The following ECT2 variants were observed in gnomAD, a reference collection of about 807,000 sequenced individuals.
The protein encoded by ECT2 is protein ECT2.
Under a neutral mutation model 116.9 loss-of-function variants are expected in ECT2, and 61 were observed. That is an observed-to-expected ratio of 0.52 (90% confidence interval 0.42 to 0.65). The LOEUF (loss-of-function observed/expected upper bound fraction) is 0.65, where lower values mean the gene tolerates loss of function less well. Ranked by LOEUF, ECT2 falls within the 30% of genes least tolerant of loss-of-function variation. The pLI, the probability that ECT2 is intolerant of heterozygous loss-of-function variation, is 0.00. For synonymous variants in ECT2, 358 were observed against 346.4 expected (o/e 1.03, Z -0.37); for missense variants, 937 against 1,078.7 (o/e 0.87, Z 1.84).
At chr3:172,769,843 G>C (rs912353465) in intron 13 of ECT2, among the ~76,000 whole-genome samples, 2 of 152,114 alleles carry the variant, frequency 1.3e-5, no homozygotes, top group Non-Finnish European at 2.9e-5. Context: ...TAATAAAAGA[G>C]ATAGGTTGAC....
chr3:172,752,527 T>C (rs1716098692), intron 1 of ECT2: 1 of 152,082 alleles, frequency 6.6e-6, no homozygotes, highest in Non-Finnish European at 1.5e-5. Flanking sequence ...AAGGGGACTT[T>C]GAATGAAAGC....
rs1730589654 is a variant in ECT2 at position 172,820,811 on chromosome 3, A to G, written c.*574A>G. ...AGATCTAGCATGTGGATTTTAAAAG[A>G]TTTGCCCTCATTAACAAGAATAACA... On this transcript the variant is annotated 3_prime_UTR_variant, in exon 25 of 25. Transcript: ENST00000392692. The G allele has an allele frequency of 1.3e-5, 2 of 151,964 alleles. No homozygotes were observed. Among genetic ancestry groups the G allele is most frequent in the African/African-American group, 4.8e-5 (2 of 41,436 alleles). The allele number at this position is 151,964 out of a possible 1,614,324, so 9.4% of individuals were successfully genotyped here.
Position 172,782,221 on chromosome 3 carries a change from T to C in ECT2, c.1607T>C (p.Phe536Ser). The change falls in exon 15 of 25, where the codon TTT becomes TCT. Residue 536 changes from phenylalanine (F) to serine (S), a missense_variant. By Grantham distance (155) the Phe-to-Ser change is radical. Transcript: ENST00000392692. ...GAGAGCAAAAGCATTGGTGACATTT[T>C]TCTGAAATATGTAAGTATTGTATTT... The part of the protein sequence containing the change: ...WDESKSIGDI[F>S]LKYSKDLVKT... The C allele has an allele frequency of 6.4e-7, 1 of 1,557,472 alleles. No individual in the cohort carries two copies. The highest frequency in any genetic ancestry group is 8.8e-7 in the Non-Finnish European group (1 of 1,140,520).
At chr3:172,760,404 T>A (rs937521205) in intron 7 of ECT2, 141 bp downstream of exon 7, 10 of 495,004 alleles carry the variant, frequency 2.0e-5, no homozygotes, top group African/African-American at 1.8e-4. Context: ...TAGTAAAAAA[T>A]TTTAAATCAT....
chr3:172,793,432 C>T (rs577150462), intron 18 of ECT2, among the ~76,000 whole-genome samples: 17 of 151,948 alleles, frequency 1.1e-4, no homozygotes, highest in African/African-American at 3.6e-4. Context: ...GGATTACAGG[C>T]GTGAGCCCCC....
At chr3:172,775,759 G>C (rs1247805702) in intron 14 of ECT2, among the ~76,000 whole-genome samples, 1 of 151,500 alleles carries the variant, frequency 6.6e-6, no homozygotes, top group African/African-American at 2.4e-5. Flanking sequence ...TCAGCCTCCT[G>C]AGTAGCTGGG....
chr3:172,768,432 T>A (rs1468085833), intron 12 of ECT2, among the ~76,000 whole-genome samples: 1 of 152,212 alleles, frequency 6.6e-6, no homozygotes, highest in African/African-American at 2.4e-5. Context: ...ATTTTTAATA[T>A]CTATACTGTT....
Position 172,776,209 on chromosome 3 carries a change from T to C in ECT2, c.1548+2187T>C, listed in dbSNP as rs571273406. On this transcript the variant is annotated intron_variant, in intron 14 of 24. Transcript: ENST00000392692. ...TTTTTCAGTTTTTTCTTTTTTTTTT[T>C]TTTTTTTTTTTTGTCATCTAGGCTG... Among the ~76,000 whole-genome samples, 369 of 148,082 alleles carry C rather than the reference T, an allele frequency of 2.5e-3. 2 individuals carry two copies. Among genetic ancestry groups the C allele is most frequent in the African/African-American group, 8.7e-3 (352 of 40,260 alleles).
chr3:172,790,484 G>T (rs1308472922), intron 18 of ECT2, among the ~76,000 whole-genome samples: 1 of 152,162 alleles, frequency 6.6e-6, no homozygotes, highest in Non-Finnish European at 1.5e-5. Flanking sequence ...TTTTGTTATG[G>T]CTGTCCACTG....
intron 20 of ECT2, among the ~76,000 whole-genome samples, chr3:172,803,829 G>T: frequency 6.7e-6 from 1 of 149,686 alleles, no homozygotes; most frequent in Non-Finnish European, 1.5e-5. Context: ...TTTTCGACAG[G>T]GTCTTACTCT....
intron 18 of ECT2, among the ~76,000 whole-genome samples, chr3:172,795,150 T>C (rs1725387470): frequency 6.6e-6 from 1 of 152,046 alleles, no homozygotes; most frequent in Admixed American, 6.6e-5. Flanking sequence ...TTCTATTCTT[T>C]TTGATGCTAT....
At chr3:172,790,780 A>G (rs567387751) in intron 18 of ECT2, among the ~76,000 whole-genome samples, 35 of 152,344 alleles carry the variant, frequency 2.3e-4, no homozygotes, top group Non-Finnish European at 4.4e-4. Context: ...GAGCTCTTGG[A>G]TGACCAGGTA....
chr3:172,794,807 C>T (rs923648259), intron 18 of ECT2, among the ~76,000 whole-genome samples: 1 of 152,050 alleles, frequency 6.6e-6, no homozygotes, highest in Non-Finnish European at 1.5e-5. Flanking sequence ...CTCCGCCTCC[C>T]GGGTTCAAGT....
At chr3:172,818,635 C>T (rs769448352) in intron 24 of ECT2, 42 of 1,289,062 alleles carry the variant, frequency 3.3e-5, no homozygotes, top group African/African-American at 4.6e-5. Flanking sequence ...TGGGCGCTCT[C>T]AGTACTCCTG....
intron 12 of ECT2, among the ~76,000 whole-genome samples, chr3:172,766,105 C>T (rs1719325684): frequency 6.6e-6 from 1 of 152,132 alleles, no homozygotes; most frequent in Non-Finnish European, 1.5e-5. Context: ...CTGTGTTTAT[C>T]CTCAGACCCT....
At chr3:172,784,265 G>A (rs1723223573) in intron 16 of ECT2, among the ~76,000 whole-genome samples, 2 of 152,204 alleles carry the variant, frequency 1.3e-5, no homozygotes, top group Admixed American at 6.5e-5. Flanking sequence ...GAGCCACATA[G>A]TGAGACTCCC....
downstream of ECT2, among the ~76,000 whole-genome samples, chr3:172,825,266 A>T (rs1730814369): frequency 6.6e-6 from 1 of 152,102 alleles, no homozygotes; most frequent in Non-Finnish European, 1.5e-5. Flanking sequence ...TCCACTGAAC[A>T]GCTGTTCTCC....
rs367564034 is a variant in ECT2 at position 172,757,064 on chromosome 3, G to C, written c.385G>C (p.Val129Leu). ...TTCTCCGGAATTTGAAAATGTATTT[G>C]TAGTCACGGACTTTCAGGATTCTGT... ...LDSPEFENVF[V>L]VTDFQDSVFN... Residue 129 changes from valine (V) to leucine (L), a missense_variant, in exon 5 of 25, where the codon GTA (valine) becomes CTA (leucine). Physicochemically the swap from Val to Leu is conservative, Grantham distance 32. Coordinates refer to ENST00000392692, the MANE Select transcript of ECT2 (RefSeq NM_001258315.2). The C allele has an allele frequency of 6.8e-5, 109 of 1,611,102 alleles. No individual in the cohort carries two copies. Among genetic ancestry groups the C allele is most frequent in the Non-Finnish European group, 8.9e-5 (105 of 1,179,000 alleles).
chr3:172,805,628 A>C, intron 20 of ECT2, 103 bp from the exon 21 acceptor site: 1 of 1,102,444 alleles, frequency 9.1e-7, no homozygotes, highest in South Asian at 1.8e-5. Flanking sequence ...ATAACTAAAT[A>C]AGTTATATAT....
Sources: allele counts gnomAD v4.1 joint callset (sites outside exome capture counted in the v4.1 genomes callset), GRCh38; gene constraint gnomAD v4.1.1; transcripts MANE v1.5; gene names NCBI Gene and HGNC (gene_info 2026-07-23, HGNC 2026-07-21).